DLGAP2: variants seen among roughly 807,000 people sequenced by gnomAD.
DLGAP2 encodes the protein DLG associated protein 2.
In DLGAP2, 26 loss-of-function variants were observed where a neutral mutation model predicts 100.3. The observed-to-expected ratio is 0.26, with a 90% confidence interval of 0.19 to 0.36. The LOEUF is 0.36. Ranked by LOEUF, DLGAP2 falls within the 10% of genes least tolerant of loss-of-function variation. DLGAP2 has a pLI of 1.00. For synonymous variants in DLGAP2, 886 were observed against 630.1 expected (o/e 1.41, Z -6.08); for missense variants, 1,858 against 1,453.2 (o/e 1.28, Z -4.53).
intron 7 of DLGAP2, among the ~76,000 whole-genome samples, chr8:1,629,349 A>C (rs1272233502): frequency 6.6e-6 from 1 of 152,208 alleles, no homozygotes; most frequent in East Asian, 1.9e-4. Flanking sequence ...CCCAATGACA[A>C]GGAAAGACCG....
intron 6 of DLGAP2, among the ~76,000 whole-genome samples, chr8:1,581,237 C>A (rs1287482557): frequency 6.9e-6 from 1 of 145,626 alleles, no homozygotes; most frequent in South Asian, 2.2e-4. Context: ...CAGACAAAAC[C>A]CCGCACATAT....
At chr8:1,118,486 T>G (rs1241139834) in intron 2 of DLGAP2, among the ~76,000 whole-genome samples, 1 of 152,220 alleles carries the variant, frequency 6.6e-6, no homozygotes, top group Non-Finnish European at 1.5e-5. Flanking sequence ...GACAAATGTC[T>G]TCATTATAAT....
At chr8:745,923 A>T (rs967532448) in intron 1 of DLGAP2, among the ~76,000 whole-genome samples, 1 of 152,226 alleles carries the variant, frequency 6.6e-6, no homozygotes, top group African/African-American at 2.4e-5. Context: ...AAGCCTGATC[A>T]CATCTCCATC....
At chr8:1,210,103 G>A (rs965126204) in intron 2 of DLGAP2, among the ~76,000 whole-genome samples, 2 of 152,168 alleles carry the variant, frequency 1.3e-5, no homozygotes, top group African/African-American at 4.8e-5. Context: ...GGTAGGGTGG[G>A]TGCTGGGCCT....
intron 14 of DLGAP2, among the ~76,000 whole-genome samples, chr8:1,699,315 C>T (rs994677465): frequency 6.6e-6 from 1 of 152,006 alleles, no homozygotes; most frequent in Non-Finnish European, 1.5e-5. Context: ...ACTAAAAATA[C>T]ACAAAATTAG....
At chr8:926,026 G>C (rs1038050880) in intron 2 of DLGAP2, among the ~76,000 whole-genome samples, 2 of 152,136 alleles carry the variant, frequency 1.3e-5, no homozygotes, top group African/African-American at 4.8e-5. Flanking sequence ...CGGGCCGCTC[G>C]GGGGCACAGA....
At chr8:1,190,922 A>G (rs1380125663) in intron 2 of DLGAP2, among the ~76,000 whole-genome samples, 7 of 151,990 alleles carry the variant, frequency 4.6e-5, no homozygotes, top group Non-Finnish European at 7.4e-5. Context: ...TGCTTCTCCT[A>G]TGGAAGCCGT....
chr8:1,138,772 T>G (rs955849581), intron 2 of DLGAP2, among the ~76,000 whole-genome samples: 3 of 151,924 alleles, frequency 2.0e-5, no homozygotes, highest in Non-Finnish European at 4.4e-5. Flanking sequence ...TTCTTCTTGT[T>G]TATTTACTTG....
At chr8:1,219,127 G>A (rs1259215801) in intron 2 of DLGAP2, among the ~76,000 whole-genome samples, 2 of 152,134 alleles carry the variant, frequency 1.3e-5, no homozygotes, top group African/African-American at 4.8e-5. Context: ...TCTCTTGCCT[G>A]ACTGCTCTGG....
chr8:816,258 T>G (rs1029790042), intron 1 of DLGAP2, among the ~76,000 whole-genome samples: 1 of 143,406 alleles, frequency 7.0e-6, no homozygotes, highest in African/African-American at 2.6e-5. Context: ...ATGCTATTTG[T>G]TTCCTGAATA....
Position 796,149 on chromosome 8 carries a change from G to A in DLGAP2, c.18+58324G>A, listed in dbSNP as rs527301376. Among the ~76,000 whole-genome samples, 5 of 152,328 alleles carry A rather than the reference G, an allele frequency of 3.3e-5. No homozygotes were observed. In the East Asian group the frequency reaches 9.7e-4, roughly 29 times the overall value. On this transcript the variant is annotated intron_variant, in intron 1 of 14. Coordinates refer to ENST00000637795, the MANE Select transcript of DLGAP2 (RefSeq NM_001346810.2). ...GCTGTCCAGTGAGAGCAGGCGTCCAGTGAGAGCAGGTGTCCAGTGAGAACA... is the reference window on the plus strand; with the variant it reads ...GCTGTCCAGTGAGAGCAGGCGTCCAATGAGAGCAGGTGTCCAGTGAGAACA...
At chr8:779,292 A>AC (rs1821621850) in intron 1 of DLGAP2, among the ~76,000 whole-genome samples, 1 of 151,898 alleles carries the variant, frequency 6.6e-6, no homozygotes, top group Non-Finnish European at 1.5e-5. Flanking sequence ...TGCAGAAATC[A>AC]CCCGTCTTCT....
intron 4 of DLGAP2, among the ~76,000 whole-genome samples, chr8:1,537,322 TG>T (rs1168002731): frequency 6.6e-6 from 1 of 152,186 alleles, no homozygotes; most frequent in Non-Finnish European, 1.5e-5. Flanking sequence ...CCTGTGTGTG[TG>T]GTGAGTGTGT....
At chr8:1,467,183 G>A (rs1475087827) in intron 3 of DLGAP2, among the ~76,000 whole-genome samples, 1 of 152,038 alleles carries the variant, frequency 6.6e-6, no homozygotes. Flanking sequence ...TCCAGCAGGG[G>A]CCCAGGAGGT....
chr8:1,363,334 C>T (rs372349166), intron 3 of DLGAP2, among the ~76,000 whole-genome samples: 24 of 152,286 alleles, frequency 1.6e-4, no homozygotes, highest in East Asian at 9.7e-4. Flanking sequence ...GGCATGCTTG[C>T]GGCTGTCTCT....
chr8:1,325,664 T>A (rs1234356629), intron 3 of DLGAP2, among the ~76,000 whole-genome samples: 1 of 152,216 alleles, frequency 6.6e-6, no homozygotes, highest in East Asian at 1.9e-4. Context: ...CAGCAGTGAT[T>A]GGCGGGGTTC....
intron 2 of DLGAP2, among the ~76,000 whole-genome samples, chr8:1,177,457 C>A (rs1450517529): frequency 1.3e-5 from 2 of 152,104 alleles, no homozygotes; most frequent in African/African-American, 4.8e-5. Flanking sequence ...CACACCGGAG[C>A]AGATGCACGA....
At chr8:1,427,978 C>G (rs1797284227) in intron 3 of DLGAP2, among the ~76,000 whole-genome samples, 2 of 151,974 alleles carry the variant, frequency 1.3e-5, no homozygotes, top group Non-Finnish European at 2.9e-5. Flanking sequence ...AGGAAGACAG[C>G]TAAAATGCAA....
chr8:1,678,157 G>A (rs777153439), intron 11 of DLGAP2, 57 bp from the exon 12 acceptor site: 99 of 1,544,970 alleles, frequency 6.4e-5, no homozygotes, highest in Non-Finnish European at 8.1e-5. Flanking sequence ...GTAGGACTTT[G>A]TTGCATGAAG....
Sources: allele counts gnomAD v4.1 joint callset (sites outside exome capture counted in the v4.1 genomes callset), GRCh38; gene constraint gnomAD v4.1.1; transcripts MANE v1.5; gene names NCBI Gene and HGNC (gene_info 2026-07-23, HGNC 2026-07-21).